The following PRDM5 variants were observed in gnomAD, a reference collection of about 807,000 sequenced individuals.
PRDM5 encodes the protein PR/SET domain 5, also known as PR domain zinc finger protein 5.
Under a neutral mutation model 81.2 loss-of-function variants are expected in PRDM5, and 56 were observed. The observed-to-expected ratio is 0.69, with a 90% confidence interval of 0.56 to 0.86. The LOEUF is 0.86. PRDM5 is among the 40% of genes least tolerant of loss of function. The pLI is 0.00. For synonymous variants in PRDM5, 267 were observed against 256.4 expected (o/e 1.04, Z -0.39); for missense variants, 697 against 770.1 (o/e 0.91, Z 1.12).
intron 3 of PRDM5, among the ~76,000 whole-genome samples, chr4:120,834,532 G>C (rs946984422): frequency 5.3e-5 from 8 of 152,140 alleles, no homozygotes; most frequent in African/African-American, 1.9e-4. Context: ...TAGGGTATAA[G>C]CTACCCAGCA....
At chr4:120,747,302 G>C (rs864014) in intron 14 of PRDM5, among the ~76,000 whole-genome samples, 1 of 101,848 alleles carries the variant, frequency 9.8e-6, no homozygotes, top group East Asian at 3.5e-4. Flanking sequence ...GGGGAGGGGG[G>C]AGGGATAGCA....
intron 15 of PRDM5, among the ~76,000 whole-genome samples, chr4:120,699,153 G>GAAATATAAATAT (rs1281394583): frequency 5.5e-4 from 54 of 97,516 alleles, no homozygotes; most frequent in East Asian, 1.0e-3. Flanking sequence ...GCAATTATAG[G>GAAATATAAATAT]AAATATAAAT....
intron 10 of PRDM5, among the ~76,000 whole-genome samples, chr4:120,789,197 C>T (rs1372413742): frequency 6.6e-6 from 1 of 152,098 alleles, no homozygotes; most frequent in Non-Finnish European, 1.5e-5. Flanking sequence ...TTTTTATATA[C>T]CAACTCTTTT....
chr4:120,848,995 T>C (rs1226157104), intron 3 of PRDM5, among the ~76,000 whole-genome samples: 1 of 152,112 alleles, frequency 6.6e-6, no homozygotes, highest in African/African-American at 2.4e-5. Flanking sequence ...TTAAAAAAAT[T>C]CTAAAAATGC....
At chr4:120,709,369 T>C (rs550647627) in intron 15 of PRDM5, among the ~76,000 whole-genome samples, 2 of 152,298 alleles carry the variant, frequency 1.3e-5, no homozygotes, top group South Asian at 4.1e-4. Flanking sequence ...CTACAACTGT[T>C]TCTTTCCTTA....
intron 3 of PRDM5, among the ~76,000 whole-genome samples, chr4:120,824,707 G>A (rs898148652): frequency 1.6e-4 from 24 of 151,796 alleles, no homozygotes; most frequent in Admixed American, 1.3e-3. Context: ...CACAGTGTTT[G>A]TAATATCAAA....
At chr4:120,880,929 G>A (rs562977366) in intron 2 of PRDM5, among the ~76,000 whole-genome samples, 3 of 152,140 alleles carry the variant, frequency 2.0e-5, no homozygotes, top group East Asian at 1.9e-4. Flanking sequence ...TAAGTTCAAC[G>A]AAATATTGTA....
At chr4:120,852,423 T>C (rs1320882235) in intron 3 of PRDM5, among the ~76,000 whole-genome samples, 1 of 152,168 alleles carries the variant, frequency 6.6e-6, no homozygotes, top group African/African-American at 2.4e-5. Context: ...CCAATCATGC[T>C]GAGTCCTGAA....
intron 10 of PRDM5, among the ~76,000 whole-genome samples, chr4:120,786,535 G>C (rs150816884): frequency 6.6e-6 from 1 of 152,020 alleles, no homozygotes; most frequent in African/African-American, 2.4e-5. Flanking sequence ...CCAGATATTC[G>C]GGCAAAAGTA....
At chr4:120,716,151 C>T (rs11732068) in intron 14 of PRDM5, among the ~76,000 whole-genome samples, 33,321 of 152,074 alleles carry the variant, frequency 0.22, 3,903 homozygotes, top group Non-Finnish European at 0.28. Flanking sequence ...CACTCACATA[C>T]TGATATTTTT....
chr4:120,702,195 A>AT (rs1560901984), intron 15 of PRDM5, among the ~76,000 whole-genome samples: 1 of 152,218 alleles, frequency 6.6e-6, no homozygotes, highest in African/African-American at 2.4e-5. Context: ...CATGCTTCAC[A>AT]TAACAGTTGA....
chr4:120,823,388 C>T (rs1239291203), intron 3 of PRDM5, among the ~76,000 whole-genome samples: 1 of 152,052 alleles, frequency 6.6e-6, no homozygotes, highest in East Asian at 1.9e-4. Context: ...TCCACAGGAC[C>T]AGCTGCATGG....
intron 2 of PRDM5, among the ~76,000 whole-genome samples, chr4:120,858,845 A>G (rs1353057165): frequency 6.6e-6 from 1 of 152,212 alleles, no homozygotes; most frequent in Non-Finnish European, 1.5e-5. Context: ...TGTGACAAAT[A>G]TTTAAATTTC....
chr4:120,768,250 ATAACT>A (rs1396400803), intron 13 of PRDM5, among the ~76,000 whole-genome samples: 2 of 152,196 alleles, frequency 1.3e-5, no homozygotes, highest in African/African-American at 4.8e-5. Flanking sequence ...AAAAAAAGAG[ATAACT>A]TAAAACAGAA....
intron 3 of PRDM5, among the ~76,000 whole-genome samples, chr4:120,828,311 C>T (rs564191104): frequency 6.6e-6 from 1 of 152,142 alleles, no homozygotes; most frequent in South Asian, 2.1e-4. Context: ...AAATGATTAG[C>T]ATCAAGGTCT....
intron 2 of PRDM5, among the ~76,000 whole-genome samples, chr4:120,883,972 T>C (rs1359302168): frequency 6.6e-6 from 1 of 152,138 alleles, no homozygotes; most frequent in African/African-American, 2.4e-5. Flanking sequence ...GAATTACACA[T>C]TTAAAAGGGT....
At chr4:120,817,202 A>C (rs2149338768) in intron 5 of PRDM5, among the ~76,000 whole-genome samples, 1 of 152,320 alleles carries the variant, frequency 6.6e-6, no homozygotes. Context: ...TTTTTAAGGA[A>C]GTACAATAGA....
At chr4:120,872,743 G>A (rs1242561885) in intron 2 of PRDM5, among the ~76,000 whole-genome samples, 6 of 152,052 alleles carry the variant, frequency 3.9e-5, no homozygotes, top group African/African-American at 1.4e-4. Context: ...GACACAGTGA[G>A]ACCCTGTCTC....
chr4:120,815,349 C>G (rs1362597477), intron 7 of PRDM5, among the ~76,000 whole-genome samples: 1 of 152,138 alleles, frequency 6.6e-6, no homozygotes, highest in East Asian at 1.9e-4. Context: ...GAAACCAGAA[C>G]ACTGTAAAAG....
Sources: allele counts gnomAD v4.1 joint callset (sites outside exome capture counted in the v4.1 genomes callset), GRCh38; gene constraint gnomAD v4.1.1; transcripts MANE v1.5; gene names NCBI Gene and HGNC (gene_info 2026-07-23, HGNC 2026-07-21).